The following ALX1 variants were observed in gnomAD, a reference collection of about 807,000 sequenced individuals.
ALX1 encodes the protein ALX homeobox 1.
In ALX1, 19 loss-of-function variants were observed where a neutral mutation model predicts 31.7. The ratio of observed to expected loss-of-function variants is 0.60; its 90% CI spans 0.42 to 0.88. ALX1 has a LOEUF of 0.88. Among genes scored for constraint, ALX1 ranks in the 40% least tolerant of loss-of-function variants. The pLI, the probability that ALX1 is intolerant of heterozygous loss-of-function variation, is 0.00. For synonymous variants in ALX1, 153 were observed against 148.8 expected, an observed-to-expected ratio of 1.03 and a Z score of -0.20; for missense variants, 415 against 407.8, an observed-to-expected ratio of 1.02 and a Z score of -0.15.
In ALX1 at chr12:85,283,558, T is replaced by A; in HGVS notation, c.227-14T>A. 1 of 1,613,950 alleles carries A rather than the reference T, an allele frequency of 6.2e-7. No individual in the cohort carries two copies. Among genetic ancestry groups the A allele is most frequent in the Non-Finnish European group, 8.5e-7 (1 of 1,179,850 alleles). ...CAATCCTGAGAACTGTTGTTTTTCC[T>A]CCTCTGGGTACAGTGAACTATGGGA... is the stretch of plus-strand genomic sequence containing the variant. On this transcript the variant is annotated splice_polypyrimidine_tract_variant and intron_variant, in intron 1 of 3. Transcript: ENST00000316824.
intron 2 of ALX1, among the ~76,000 whole-genome samples, chr12:85,285,753 C>A (rs1372988417): frequency 6.6e-6 from 1 of 151,796 alleles, no homozygotes; most frequent in African/African-American, 2.4e-5. Flanking sequence ...TGATTTCTAG[C>A]CTTTTTCCTA....
chr12:85,285,086 C>A (rs1429638885), intron 2 of ALX1, among the ~76,000 whole-genome samples: 1 of 151,922 alleles, frequency 6.6e-6, no homozygotes, highest in Non-Finnish European at 1.5e-5. Context: ...GTATTAACAC[C>A]CGCTGTGTAA....
intron 3 of ALX1, among the ~76,000 whole-genome samples, chr12:85,300,273 G>A (rs1487759976): frequency 1.3e-5 from 2 of 151,824 alleles, no homozygotes; most frequent in Non-Finnish European, 2.9e-5. Flanking sequence ...TGTTAATATT[G>A]CATTGAATTG....
At chr12:85,281,326 T>C (rs1437443558) in intron 1 of ALX1, among the ~76,000 whole-genome samples, 2 of 152,226 alleles carry the variant, frequency 1.3e-5, no homozygotes, top group African/African-American at 4.8e-5. Flanking sequence ...CATCTATCTT[T>C]TCTATCTTGT....
At chr12:85,284,926 C>T (rs1896729151) in intron 2 of ALX1, among the ~76,000 whole-genome samples, 1 of 152,076 alleles carries the variant, frequency 6.6e-6, no homozygotes, top group Admixed American at 6.6e-5. Flanking sequence ...TTGTAAGGCT[C>T]TTACATCATT....
At chr12:85,282,029 G>A (rs1018545569) in intron 1 of ALX1, among the ~76,000 whole-genome samples, 1 of 152,088 alleles carries the variant, frequency 6.6e-6, no homozygotes, top group Non-Finnish European at 1.5e-5. Flanking sequence ...ATGAACATAG[G>A]CAGTCATCCG....
In ALX1 at chr12:85,283,776, T is replaced by G. The variant is rs763991137; in HGVS notation, c.431T>G (p.Leu144Arg). 1 of 1,614,028 alleles carries G rather than the reference T, an allele frequency of 6.2e-7. No homozygotes were observed. The change falls in exon 2 of 4, where the codon CTA (leucine) becomes CGA (arginine). Residue 144 changes from leucine to arginine, a missense_variant. This residue lies in a region of ALX1 where 235 missense variants were observed against 208.9 expected (regional missense o/e 1.13). Coordinates refer to ENST00000316824, the MANE Select transcript of ALX1 (RefSeq NM_006982.3). The stretch of plus-strand genomic sequence containing the variant: ...CGAACCACCTTCACCAGTTTGCAGC[T>G]AGAGGAGCTGGAGAAAGTCTTTCAG... ...RHRTTFTSLQ[L>R]EELEKVFQKT... is the part of the protein sequence containing the mutation.
At chr12:85,287,056 G>T in intron 3 of ALX1, 75 bp downstream of exon 3, 1 of 1,541,494 alleles carries the variant, frequency 6.5e-7, no homozygotes, top group Non-Finnish European at 8.9e-7. Context: ...GTTAGCATAG[G>T]CTTTATTATA....
intron 2 of ALX1, among the ~76,000 whole-genome samples, chr12:85,286,090 T>A (rs1896742896): frequency 6.6e-6 from 1 of 151,950 alleles, no homozygotes; most frequent in African/African-American, 2.4e-5. Flanking sequence ...ATTATTTCCA[T>A]TACCTGTGCT....
chr12:85,301,115 G>A, intron 3 of ALX1, 40 bp from the exon 4 acceptor site: 1 of 1,606,762 alleles, frequency 6.2e-7, no homozygotes. Flanking sequence ...ACAAAAGTGA[G>A]AACATGTAAA....
intron 3 of ALX1, among the ~76,000 whole-genome samples, chr12:85,289,824 A>G (rs552950920): frequency 1.9e-4 from 28 of 151,346 alleles, no homozygotes; most frequent in Non-Finnish European, 3.4e-4. Context: ...AATTGGGCCA[A>G]GATCATGTCT....
intron 3 of ALX1, among the ~76,000 whole-genome samples, chr12:85,299,675 C>G (rs1411758868): frequency 6.6e-6 from 1 of 151,688 alleles, no homozygotes; most frequent in African/African-American, 2.4e-5. Context: ...ACGTTTTGAA[C>G]CTGGTTAATC....
rs1290633412 is a variant in ALX1, at chr12:85,301,620, T to C, written c.*145T>C. The C allele has an allele frequency of 1.2e-5, 10 of 833,648 alleles. No homozygotes were observed. The highest frequency in any genetic ancestry group is 2.5e-5 in the Admixed American group (1 of 39,854). The allele number at this position is 833,648 out of a possible 1,614,324, so 51.6% of individuals were successfully genotyped here. A position where few individuals can be genotyped will look rare whatever the true frequency, so the allele number is the denominator to read the frequency against. On this transcript the variant is annotated 3_prime_UTR_variant, in exon 4 of 4. Transcript: ENST00000316824. ...GAGACCAGCTTAAATGAATAGTTGT[T>C]ATTTAACATTAAAATCTAAGAATGA...
At chr12:85,300,642 A>G (rs1896951594) in intron 3 of ALX1, among the ~76,000 whole-genome samples, 1 of 152,074 alleles carries the variant, frequency 6.6e-6, no homozygotes, top group Non-Finnish European at 1.5e-5. Context: ...GAGGGCAAAC[A>G]TGTTCCAGAA....
chr12:85,286,088 C>A (rs1436483215), intron 2 of ALX1, among the ~76,000 whole-genome samples: 1 of 151,810 alleles, frequency 6.6e-6, no homozygotes, highest in Admixed American at 6.6e-5. Flanking sequence ...ATATTATTTC[C>A]ATTACCTGTG....
At position 85,280,439 on chromosome 12, in the gene ALX1, G is replaced by C; in HGVS notation, c.178G>C (p.Glu60Gln). The C allele has an allele frequency of 6.2e-7, 1 of 1,612,220 alleles. No homozygotes were observed. The change falls in exon 1 of 4, where the codon GAG becomes CAG. Residue 60 changes from glutamate (E) to glutamine (Q), a missense_variant. Physicochemically the swap from Glu to Gln is conservative, Grantham distance 29. This residue lies in a region of ALX1 where 235 missense variants were observed against 208.9 expected (regional missense o/e 1.13). Transcript: ENST00000316824. ...VQAFGPLPRA[E>Q]HHVRLERTSP... ...GGCCTTCGGACCCCTGCCCCGCGCC[G>C]AGCATCACGTGCGCTTGGAGAGGAC...
At chr12:85,287,518 TA>T (rs904554897) in intron 3 of ALX1, among the ~76,000 whole-genome samples, 2 of 151,336 alleles carry the variant, frequency 1.3e-5, no homozygotes, top group African/African-American at 4.8e-5. Context: ...CTGTTTGACT[TA>T]AAACAGAGAT....
In ALX1 at chr12:85,284,352, AC is replaced by A. The variant is rs1486984308; in HGVS notation, c.531+477del. Among the ~76,000 whole-genome samples the A allele has an allele frequency of 3.0e-3, 460 of 151,356 alleles. 3 individuals are homozygous for A. Among genetic ancestry groups the A allele is most frequent in the African/African-American group, 0.01 (426 of 41,438 alleles). The stretch of plus-strand genomic sequence containing the variant: ...ATTTGGAGGCATAATAAAAAAAAAA[AC>A]AATCCCACAAATTCCCAATTGTTAT... On this transcript the variant is annotated intron_variant, in intron 2 of 3. Transcript: ENST00000316824.
chr12:85,285,635 C>T (rs1896738118), intron 2 of ALX1, among the ~76,000 whole-genome samples: 1 of 151,754 alleles, frequency 6.6e-6, no homozygotes, highest in Non-Finnish European at 1.5e-5. Flanking sequence ...AATATGTTGC[C>T]ATAATGGTGA....
Sources: gnomAD v4.1 joint callset for allele counts (sites outside exome capture counted in the v4.1 genomes callset) on GRCh38, gnomAD v4.1.1 for gene constraint, gnomAD v4.1.1 regional missense constraint, MANE v1.5 for transcripts, NCBI Gene and HGNC (gene_info 2026-07-23, HGNC 2026-07-21) for gene names.